Variants in MAP2K2 observed in about 807,000 individuals in gnomAD.
The protein encoded by MAP2K2 is dual specificity mitogen-activated protein kinase kinase 2.
In MAP2K2, 24 loss-of-function variants were observed where a neutral mutation model predicts 43.7. The observed-to-expected ratio is 0.55, with a 90% CI of 0.40 to 0.77. The LOEUF (loss-of-function observed/expected upper bound fraction) is 0.77. MAP2K2 is among the 30% of genes least tolerant of loss of function. MAP2K2 has a pLI of 0.00. For missense variants in MAP2K2, 470 were observed against 566.8 expected (o/e 0.83, Z 1.73); for synonymous variants, 244 against 239.7 (o/e 1.02, Z -0.17).
rs1404109612 is a variant in MAP2K2, at chr19:4,107,714, C to CG, written c.450+2794_450+2795insC. Among the ~76,000 whole-genome samples, 17 of 151,710 alleles carry CG rather than the reference C, an allele frequency of 1.1e-4. No individual in the cohort carries two copies. The East Asian group carries it at 3.3e-3, about 29-fold the overall frequency. ...AGAGAGAGACCTTGTACCCCCTACC[C>CG]CCCACAAAAAAAGAAGGAAAAAAAT... On this transcript the variant is annotated intron_variant, in intron 3 of 10. Coordinates refer to ENST00000262948, the MANE Select transcript of MAP2K2 (RefSeq NM_030662.4).
At chr19:4,100,753 G>T in intron 6 of MAP2K2, 2 of 560,686 alleles carry the variant, frequency 3.6e-6, no homozygotes, top group Non-Finnish European at 6.4e-6. Context: ...GTGGCAAGTG[G>T]GGAGAGCTGA....
At chr19:4,113,800 A>C (rs2041185702) in intron 2 of MAP2K2, among the ~76,000 whole-genome samples, 1 of 152,100 alleles carries the variant, frequency 6.6e-6, no homozygotes, top group Non-Finnish European at 1.5e-5. Flanking sequence ...GAGAGGAAAG[A>C]GCTTCACTGA....
intron 3 of MAP2K2, among the ~76,000 whole-genome samples, chr19:4,108,758 G>C (rs1173462113): frequency 2.0e-5 from 3 of 152,076 alleles, no homozygotes; most frequent in African/African-American, 7.2e-5. Flanking sequence ...CTCGAGAACT[G>C]AGTCAGCCAC....
chr19:4,097,730 G>A (rs567138206), intron 7 of MAP2K2, among the ~76,000 whole-genome samples: 4 of 152,294 alleles, frequency 2.6e-5, no homozygotes, highest in South Asian at 2.1e-4. Context: ...AGCTGCTGGC[G>A]GTGATGGGGG....
rs769390409 is a variant in MAP2K2 at position 4,102,357 on chromosome 19, G to C, written c.528+19C>G. 4 of 1,580,316 alleles carry C rather than the reference G, an allele frequency of 2.5e-6. No homozygotes were observed. The Admixed American group carries it at 7.2e-5, about 29-fold the overall frequency. ...GCAGAGTGCGGTGGGGGCGCGATGT[G>C]GGTCTGCGGTGGACTCACCGCGATG... is the stretch of plus-strand genomic sequence containing the variant. On this transcript the variant is annotated intron_variant, in intron 4 of 10. Coordinates refer to ENST00000262948, the MANE Select transcript of MAP2K2 (RefSeq NM_030662.4).
At chr19:4,096,244 G>A (rs1467016022) in intron 8 of MAP2K2, among the ~76,000 whole-genome samples, 2 of 152,220 alleles carry the variant, frequency 1.3e-5, no homozygotes, top group Admixed American at 1.3e-4. Flanking sequence ...TGCTCACTGG[G>A]CATGGGTGTG....
chr19:4,113,456 G>A (rs901329300), intron 2 of MAP2K2, among the ~76,000 whole-genome samples: 1 of 152,080 alleles, frequency 6.6e-6, no homozygotes, highest in Admixed American at 6.6e-5. Context: ...CTGAGCACCT[G>A]CACCCTCTAA....
rs2145090019 is a variant in MAP2K2 at position 4,123,859 on chromosome 19, T to C, written c.17A>G (p.Lys6Arg). 4 of 1,513,550 alleles carry C rather than the reference T, an allele frequency of 2.6e-6. No homozygotes were observed. Among genetic ancestry groups the C allele is most frequent in the Non-Finnish European group, 3.5e-6 (4 of 1,133,508 alleles). 93.8% of individuals were successfully genotyped at this position (1,513,550 alleles called of 1,614,324 possible). The part of the protein sequence containing the change: MLARR[K>R]PVLPALTINP... ...GATGGTGAGCGCCGGCAGCACCGGCTTCCTCCGGGCCAGCATCGGGGCTCC... is the reference window on the plus strand; with the variant it reads ...GATGGTGAGCGCCGGCAGCACCGGCCTCCTCCGGGCCAGCATCGGGGCTCC... Residue 6 changes from lysine (K) to arginine (R), a missense_variant, in exon 1 of 11, where the codon AAG (lysine) becomes AGG (arginine). This residue lies in a region of MAP2K2 where 58 missense variants were observed against 48.0 expected (regional missense o/e 1.21). Transcript: ENST00000262948.
rs189603963 is a variant in MAP2K2, at chr19:4,114,778, G to A, written c.303+2641C>T. Among the ~76,000 whole-genome samples, 108 of 152,096 alleles carry A rather than the reference G, an allele frequency of 7.1e-4. No homozygotes were observed. The East Asian group carries it at 0.019, about 27-fold the overall frequency. On this transcript the variant is annotated intron_variant, in intron 2 of 10. Coordinates refer to ENST00000262948, the MANE Select transcript of MAP2K2 (RefSeq NM_030662.4). ...AGCCTGGCCAACATGGTGAAACCCC[G>A]TCTCTACTAAAAATACAAACATTAG...
In MAP2K2 at chr19:4,108,751, G is replaced by A. The variant is rs150790070; in HGVS notation, c.450+1758C>T. On this transcript the variant is annotated intron_variant, in intron 3 of 10. Coordinates refer to ENST00000262948, the MANE Select transcript of MAP2K2 (RefSeq NM_030662.4). ...TTTCTGCATGGGAGGAAGGGGGCTC[G>A]AGAACTGAGTCAGCCACACAAAACG... 3.4e-3 allele frequency among the ~76,000 whole-genome samples: 518 copies of A among 152,172 alleles called. 3 individuals carry two copies. The highest frequency in any genetic ancestry group is 5.8e-3 in the Non-Finnish European group (391 of 67,990).
intron 10 of MAP2K2, 72 bp downstream of exon 10, chr19:4,094,381 G>A: frequency 6.7e-7 from 1 of 1,495,822 alleles, no homozygotes; most frequent in South Asian, 1.2e-5. Flanking sequence ...GCCAGGCCCA[G>A]CAGCCTTATT....
chr19:4,110,831 C>T (rs558712323), intron 2 of MAP2K2, among the ~76,000 whole-genome samples, 176 bp from the exon 3 acceptor site: 1 of 152,162 alleles, frequency 6.6e-6, no homozygotes, highest in Non-Finnish European at 1.5e-5. Context: ...CACACAGAAA[C>T]GTGTCCCAAG....
At chr19:4,111,006 G>A (rs1379397643) in intron 2 of MAP2K2, among the ~76,000 whole-genome samples, 2 of 152,192 alleles carry the variant, frequency 1.3e-5, no homozygotes, top group Non-Finnish European at 2.9e-5. Flanking sequence ...TGAACCCTGA[G>A]GATGTCATGC....
At chr19:4,100,836 A>G in intron 6 of MAP2K2, 183 bp downstream of exon 6, 1 of 705,668 alleles carries the variant, frequency 1.4e-6, no homozygotes, top group Non-Finnish European at 2.4e-6. Context: ...TGTGCCCACG[A>G]AATAGTTGGG....
At chr19:4,102,805 C>T in intron 3 of MAP2K2, 2 of 1,235,484 alleles carry the variant, frequency 1.6e-6, no homozygotes, top group Non-Finnish European at 2.1e-6. Context: ...GCCCGCACTC[C>T]CTGCAGCCTA....
At chr19:4,103,353 A>C in intron 3 of MAP2K2, 1 of 759,768 alleles carries the variant, frequency 1.3e-6, no homozygotes, top group Non-Finnish European at 1.6e-6. Context: ...AAATGCCAAA[A>C]CCCCAGGCAC....
chr19:4,097,642 C>T (rs2040938635), intron 7 of MAP2K2, among the ~76,000 whole-genome samples: 1 of 152,208 alleles, frequency 6.6e-6, no homozygotes, highest in South Asian at 2.1e-4. Context: ...GTGCCAAAGT[C>T]ATCACCCCTC....
chr19:4,104,410 GGGCGTGGT>G (rs1256831189), intron 3 of MAP2K2, among the ~76,000 whole-genome samples: 1 of 151,884 alleles, frequency 6.6e-6, no homozygotes, highest in African/African-American at 2.4e-5. Context: ...AAAATCAGCC[GGGCGTGGT>G]GGTGCACGCC....
At chr19:4,112,692 C>T (rs1219392967) in intron 2 of MAP2K2, among the ~76,000 whole-genome samples, 2 of 152,100 alleles carry the variant, frequency 1.3e-5, no homozygotes, top group African/African-American at 2.4e-5. Context: ...GCCCCTGTAG[C>T]GCTGGCTTCT....
Sources: allele counts gnomAD v4.1 joint callset (sites outside exome capture counted in the v4.1 genomes callset), GRCh38; gene constraint gnomAD v4.1.1; regional missense constraint gnomAD v4.1.1; transcripts MANE v1.5; gene names NCBI Gene and HGNC (gene_info 2026-07-23, HGNC 2026-07-21).